Variants in PRMT2 observed in about 807,000 individuals in gnomAD.
PRMT2 encodes protein arginine N-methyltransferase 2.
In PRMT2, 26 loss-of-function variants were observed where a neutral mutation model predicts 57.6. That is an observed-to-expected ratio of 0.45 (90% CI 0.33 to 0.63). PRMT2 has a LOEUF of 0.63. PRMT2 is among the 20% of genes least tolerant of loss of function. PRMT2 has a pLI of 0.02. For missense variants in PRMT2, 472 were observed against 564.4 expected, an observed-to-expected ratio of 0.84 and a Z score of 1.66; for synonymous variants, 219 against 220.0, an observed-to-expected ratio of 1.00 and a Z score of 0.04.
In PRMT2 at chr21:46,664,665, C is replaced by A. The variant is rs1252642401; in HGVS notation, c.*338C>A. 27 of 383,538 alleles carry A rather than the reference C, an allele frequency of 7.0e-5. No homozygotes were observed. The South Asian group carries it at 8.7e-4, about 12-fold the overall frequency. The allele number at this position is 383,538 out of a possible 1,614,324, so 23.8% of individuals were successfully genotyped here. A position where few individuals can be genotyped will look rare whatever the true frequency, so the allele number is the denominator to read the frequency against. On this transcript the variant is annotated 3_prime_UTR_variant, in exon 12 of 12. Coordinates refer to ENST00000355680, the MANE Select transcript of PRMT2 (RefSeq NM_206962.4). ...TAGGTCTAGGTCTACACTCCTAGGA[C>A]GCACGCATATCAGCCCGTGTACCCT...
In PRMT2 at chr21:46,658,936, T is replaced by G. The variant is rs763303753; in HGVS notation, c.830+16T>G. ...GCGCTCTGAAGTAAGTGTCCACAGC[T>G]GGGACTGGCACCGTCTTGTGGGGCC... On this transcript the variant is annotated intron_variant, in intron 8 of 11. Transcript: ENST00000355680. 1.2e-6 allele frequency: 2 copies of G among 1,606,758 alleles called. No individual in the cohort carries two copies. The highest frequency in any genetic ancestry group is 3.3e-5 in the Admixed American group (2 of 59,748).
chr21:46,662,125 CTG>C (rs950827884), intron 10 of PRMT2, among the ~76,000 whole-genome samples, 189 bp downstream of exon 10: 1 of 151,850 alleles, frequency 6.6e-6, no homozygotes, highest in Admixed American at 6.6e-5. Context: ...ACACCGCAGC[CTG>C]TGTGCCCCCT....
intron 10 of PRMT2, 67 bp downstream of exon 10, chr21:46,662,003 T>TGGGGCACGCAGGAGGGGGC (rs1167834798): frequency 5.8e-5 from 1 of 17,208 alleles, no homozygotes; most frequent in African/African-American, 2.6e-4. Flanking sequence ...GGTGCGGGGA[T>TGGGGCACGCAGGAGGGGGC]GGGGCGCGCA....
intron 3 of PRMT2, among the ~76,000 whole-genome samples, chr21:46,639,078 C>T (rs2061223982): frequency 6.6e-6 from 1 of 152,140 alleles, no homozygotes; most frequent in Non-Finnish European, 1.5e-5. Flanking sequence ...AAAATATTTT[C>T]TAATATATTC....
rs1307575942 is a variant in PRMT2 at position 46,649,103 on chromosome 21, C to T, written c.490-472C>T. ...AGACTCCTTACACAGTGGGTGGGGT[C>T]GCAGCACAGTGTCCACCCAAGTCCA... On this transcript the variant is annotated intron_variant, in intron 6 of 11. Transcript: ENST00000355680. The surrounding 1 kb of genome is among the most constrained non-coding windows in gnomAD (Gnocchi z 4.8). Among the ~76,000 whole-genome samples the T allele has an allele frequency of 1.3e-5, 2 of 152,078 alleles. No individual in the cohort carries two copies. The highest frequency in any genetic ancestry group is 6.5e-5 in the Admixed American group (1 of 15,276).
At chr21:46,638,710 T>G (rs1387985886) in intron 3 of PRMT2, among the ~76,000 whole-genome samples, 1 of 152,252 alleles carries the variant, frequency 6.6e-6, no homozygotes, top group Non-Finnish European at 1.5e-5. Flanking sequence ...AGTATTTCAG[T>G]AATACTTGTG....
At chr21:46,641,815 G>T (rs1282597836) in intron 3 of PRMT2, among the ~76,000 whole-genome samples, 5 of 152,018 alleles carry the variant, frequency 3.3e-5, no homozygotes, top group African/African-American at 4.8e-5. Context: ...GCACACCGGG[G>T]GGTTAGTAAG....
chr21:46,656,168 C>T (rs926842671), intron 7 of PRMT2, among the ~76,000 whole-genome samples: 2 of 152,156 alleles, frequency 1.3e-5, no homozygotes, highest in African/African-American at 4.8e-5. Flanking sequence ...GAAAAAGAGC[C>T]TGGCACGCCC....
chr21:46,655,486 T>G (rs947837764), intron 7 of PRMT2, among the ~76,000 whole-genome samples: 3 of 152,024 alleles, frequency 2.0e-5, no homozygotes, highest in Non-Finnish European at 4.4e-5. Context: ...AGAAAAAAAT[T>G]GACAAAATTC....
At chr21:46,637,789 G>A (rs536255959) in intron 3 of PRMT2, among the ~76,000 whole-genome samples, 178 of 151,192 alleles carry the variant, frequency 1.2e-3, no homozygotes, top group Middle Eastern at 3.4e-3. Context: ...GTGTGTGTGT[G>A]TATATATATA....
chr21:46,663,567 G>C lies in PRMT2; in HGVS notation c.1269+13G>C, dbSNP rs988448552. 9 of 1,611,796 alleles carry C rather than the reference G, an allele frequency of 5.6e-6. No homozygotes were observed. The Admixed American group carries it at 8.3e-5, about 15-fold the overall frequency. ...CACATCTCAAAAAGTAAGATACGTA[G>C]TTGTAAGATTCTGTCCTGTGGGTGC... On this transcript the variant is annotated intron_variant, in intron 11 of 11. Transcript: ENST00000355680.
chr21:46,654,348 A>C (rs1175690572), intron 7 of PRMT2, among the ~76,000 whole-genome samples: 1 of 152,246 alleles, frequency 6.6e-6, no homozygotes, highest in Non-Finnish European at 1.5e-5. Context: ...CAGAGTATGT[A>C]CAGTATGATT....
Position 46,650,639 on chromosome 21 carries a change from C to T in PRMT2, c.654+900C>T, listed in dbSNP as rs113578514. Among the ~76,000 whole-genome samples, 18 of 152,330 alleles carry T rather than the reference C, an allele frequency of 1.2e-4. 2 individuals carry two copies. Among genetic ancestry groups the T allele is most frequent in the African/African-American group, 4.3e-4 (18 of 41,562 alleles). On this transcript the variant is annotated intron_variant, in intron 7 of 11. Coordinates refer to ENST00000355680, the MANE Select transcript of PRMT2 (RefSeq NM_206962.4). ...TTGCCTTTGCCCTGAACAGCAGCGC[C>T]CATTCAATAAGTATCTGTTGACAGC...
At chr21:46,662,599 C>G (rs1259162958) in intron 10 of PRMT2, among the ~76,000 whole-genome samples, 5 of 152,286 alleles carry the variant, frequency 3.3e-5, no homozygotes, top group Non-Finnish European at 7.4e-5. Context: ...CAGTTATACC[C>G]ATCCCCGAGT....
At chr21:46,642,669 G>T (rs1301533267) in intron 3 of PRMT2, among the ~76,000 whole-genome samples, 1 of 152,212 alleles carries the variant, frequency 6.6e-6, no homozygotes, top group Non-Finnish European at 1.5e-5. Flanking sequence ...CATTGAACTG[G>T]AGTGTGTGAT....
intron 3 of PRMT2, among the ~76,000 whole-genome samples, chr21:46,641,577 A>T (rs1018669105): frequency 6.6e-6 from 1 of 152,156 alleles, no homozygotes; most frequent in Non-Finnish European, 1.5e-5. Flanking sequence ...CTGTAGTCCC[A>T]GCCTCTCGGG....
chr21:46,637,176 G>T (rs1281890991), intron 3 of PRMT2, among the ~76,000 whole-genome samples, 186 bp downstream of exon 3: 4 of 152,206 alleles, frequency 2.6e-5, no homozygotes, highest in Non-Finnish European at 4.4e-5. Flanking sequence ...GTGACATCCT[G>T]CATTGGGCAC....
chr21:46,641,719 CTGTGTG>C (rs34542867), intron 3 of PRMT2, among the ~76,000 whole-genome samples: 11,810 of 147,736 alleles, frequency 0.08, 574 homozygotes, highest in Non-Finnish European at 0.1. Flanking sequence ...AAGAAACAGC[CTGTGTG>C]TGTGTGTGTG....
intron 7 of PRMT2, chr21:46,658,157 T>C (rs2061567131): frequency 6.6e-6 from 1 of 152,476 alleles, no homozygotes; most frequent in Non-Finnish European, 1.5e-5. Flanking sequence ...AAGCAAGTTC[T>C]GGTTCAGACA....
Sources: gnomAD v4.1 joint callset for allele counts (sites outside exome capture counted in the v4.1 genomes callset) on GRCh38, gnomAD v4.1.1 for gene constraint, Gnocchi (gnomAD v3.1) non-coding constraint, MANE v1.5 for transcripts, NCBI Gene and HGNC (gene_info 2026-07-23, HGNC 2026-07-21) for gene names.